PRKD1: variants seen among roughly 807,000 people sequenced by gnomAD.
The protein encoded by PRKD1 is protein kinase D1.
PRKD1 carries 63 observed loss-of-function variants against 95.9 expected under a neutral mutation model. That is an observed-to-expected ratio of 0.66 (90% CI 0.54 to 0.81). The LOEUF (loss-of-function observed/expected upper bound fraction) is 0.81. Among genes scored for constraint, PRKD1 ranks in the 30% least tolerant of loss-of-function variants. The pLI, the probability that PRKD1 is intolerant of heterozygous loss-of-function variation, is 0.00. For synonymous variants in PRKD1, 425 were observed against 423.1 expected, an observed-to-expected ratio of 1.00 and a Z score of -0.05; for missense variants, 1,048 against 1,165.3, an observed-to-expected ratio of 0.90 and a Z score of 1.47.
intron 1 of PRKD1, among the ~76,000 whole-genome samples, chr14:29,891,544 C>A (rs1893936622): frequency 6.6e-6 from 1 of 152,118 alleles, no homozygotes; most frequent in Non-Finnish European, 1.5e-5. Flanking sequence ...AGCACCTCCT[C>A]TTCTGTGAGG....
At chr14:29,615,005 C>G (rs113182543) in intron 13 of PRKD1, among the ~76,000 whole-genome samples, 5,860 of 151,818 alleles carry the variant, frequency 0.039, 404 homozygotes, top group African/African-American at 0.13. Context: ...AGCCACTATA[C>G]CCAGCCAATA....
At position 29,701,258 on chromosome 14, in the gene PRKD1, C is replaced by A. The variant is rs75358870; in HGVS notation, c.403+24278G>T. 9.4e-3 allele frequency among the ~76,000 whole-genome samples: 1,428 copies of A among 152,240 alleles called. 11 individuals carry two copies. Among genetic ancestry groups the A allele is most frequent in the Non-Finnish European group, 0.013 (917 of 68,024 alleles). ...TGGAAATTTGTTAGAAATGTATGTT[C>A]TTGGCCACACCCCAAACATATTGAA... On this transcript the variant is annotated intron_variant, in intron 2 of 17. Coordinates refer to ENST00000331968, the MANE Select transcript of PRKD1 (RefSeq NM_002742.3).
intron 4 of PRKD1, among the ~76,000 whole-genome samples, chr14:29,640,054 T>A (rs45455495): frequency 2.1e-4 from 32 of 152,352 alleles, no homozygotes; most frequent in South Asian, 1.2e-3. Context: ...GTTATAATTA[T>A]GTATCTCATT....
intron 2 of PRKD1, among the ~76,000 whole-genome samples, chr14:29,680,691 A>T (rs1057011243): frequency 6.6e-6 from 1 of 152,138 alleles, no homozygotes; most frequent in Admixed American, 6.5e-5. Flanking sequence ...AAGTGTGAAA[A>T]CTCCATCGGC....
At chr14:29,750,401 A>G (rs1887420745) in intron 1 of PRKD1, among the ~76,000 whole-genome samples, 1 of 152,210 alleles carries the variant, frequency 6.6e-6, no homozygotes, top group Admixed American at 6.5e-5. Context: ...CAAACTTCTA[A>G]GTAAAGATAA....
intron 1 of PRKD1, among the ~76,000 whole-genome samples, chr14:29,751,381 T>C (rs1176000362): frequency 6.6e-6 from 1 of 152,200 alleles, no homozygotes; most frequent in Non-Finnish European, 1.5e-5. Context: ...TTTTCCTTCC[T>C]GATAAAAAGA....
At chr14:29,901,383 G>A (rs1274742784) in intron 1 of PRKD1, among the ~76,000 whole-genome samples, 1 of 152,158 alleles carries the variant, frequency 6.6e-6, no homozygotes, top group East Asian at 1.9e-4. Flanking sequence ...CACCTACTGA[G>A]TACTATGCTC....
intron 4 of PRKD1, chr14:29,653,000 T>A (rs28372145): frequency 1.3e-5 from 2 of 152,216 alleles, no homozygotes; most frequent in African/African-American, 4.8e-5. Flanking sequence ...TTTCATTTTT[T>A]AAATAAATGA....
chr14:29,758,246 G>A (rs956426565), intron 1 of PRKD1, among the ~76,000 whole-genome samples: 2 of 151,994 alleles, frequency 1.3e-5, no homozygotes, highest in Admixed American at 6.6e-5. Flanking sequence ...AGAAAAAGAG[G>A]GAAGTGGTAA....
intron 1 of PRKD1, among the ~76,000 whole-genome samples, chr14:29,729,525 T>C (rs1180922621): frequency 6.6e-6 from 1 of 152,074 alleles, no homozygotes; most frequent in Non-Finnish European, 1.5e-5. Flanking sequence ...TCTTCATTAA[T>C]TTCTTATATC....
intron 4 of PRKD1, among the ~76,000 whole-genome samples, chr14:29,651,948 G>A (rs981709843): frequency 1.2e-4 from 18 of 152,090 alleles, no homozygotes; most frequent in African/African-American, 3.1e-4. Context: ...GTTTCACCAC[G>A]TTGGCCAGGC....
At chr14:29,655,902 T>C (rs530337423) in intron 4 of PRKD1, among the ~76,000 whole-genome samples, 27 of 150,558 alleles carry the variant, frequency 1.8e-4, no homozygotes, top group South Asian at 1.3e-3. Flanking sequence ...ACACGTACCC[T>C]AGAACTTAAA....
intron 1 of PRKD1, among the ~76,000 whole-genome samples, chr14:29,806,629 A>T (rs1177338382): frequency 6.6e-6 from 1 of 152,182 alleles, no homozygotes; most frequent in Non-Finnish European, 1.5e-5. Context: ...AAAACAAAAA[A>T]CTAACCTTGC....
intron 1 of PRKD1, among the ~76,000 whole-genome samples, chr14:29,880,235 C>A (rs936554524): frequency 2.2e-4 from 34 of 152,162 alleles, no homozygotes; most frequent in African/African-American, 8.2e-4. Flanking sequence ...GCCCAGGGTC[C>A]CCTTGCTGAG....
At chr14:29,832,933 A>G (rs1442591600) in intron 1 of PRKD1, among the ~76,000 whole-genome samples, 1 of 152,032 alleles carries the variant, frequency 6.6e-6, no homozygotes, top group Non-Finnish European at 1.5e-5. Flanking sequence ...TTGTATATGC[A>G]GCCTTCTTTC....
At chr14:29,594,475 T>A (rs1893232766) in intron 16 of PRKD1, among the ~76,000 whole-genome samples, 1 of 152,148 alleles carries the variant, frequency 6.6e-6, no homozygotes, top group Non-Finnish European at 1.5e-5. Context: ...CTTTATCTCA[T>A]TCAATCTTTG....
chr14:29,794,416 T>C (rs907846953), intron 1 of PRKD1, among the ~76,000 whole-genome samples: 9 of 152,010 alleles, frequency 5.9e-5, no homozygotes, highest in African/African-American at 2.2e-4. Flanking sequence ...GGGGTGGCAA[T>C]TCCTTTCATT....
intron 11 of PRKD1, among the ~76,000 whole-genome samples, chr14:29,628,593 A>G (rs1879779502): frequency 6.6e-6 from 1 of 152,236 alleles, no homozygotes; most frequent in Non-Finnish European, 1.5e-5. Context: ...CTTGATGTGT[A>G]CAAGTGACTA....
chr14:29,584,552 T>C (rs966108375), intron 16 of PRKD1, among the ~76,000 whole-genome samples: 2 of 152,140 alleles, frequency 1.3e-5, no homozygotes, highest in Non-Finnish European at 2.9e-5. Context: ...TTTTCGCACA[T>C]AAGTTTTATA....
Sources: gnomAD v4.1 joint callset for allele counts (sites outside exome capture counted in the v4.1 genomes callset) on GRCh38, gnomAD v4.1.1 for gene constraint, MANE v1.5 for transcripts, NCBI Gene and HGNC (gene_info 2026-07-23, HGNC 2026-07-21) for gene names.